Variants in TM9SF4 observed in about 807,000 individuals in gnomAD.
TM9SF4 encodes transmembrane 9 superfamily member 4.
TM9SF4 carries 26 observed loss-of-function variants against 90.4 expected under a neutral mutation model. The ratio of observed to expected loss-of-function variants is 0.29; its 90% CI spans 0.21 to 0.40. The LOEUF is 0.40. Among genes scored for constraint, TM9SF4 ranks in the 10% least tolerant of loss-of-function variants. The probability of loss-of-function intolerance (pLI) is 1.00; values close to 1 mark genes in which losing one functional copy is unlikely to be tolerated. For synonymous variants in TM9SF4, 293 were observed against 315.4 expected (o/e 0.93, Z 0.75); for missense variants, 549 against 834.8 (o/e 0.66, Z 4.22).
chr20:32,165,207 C>G (rs2047082486), intron 17 of TM9SF4, 88 bp from the exon 18 acceptor site: 1 of 1,567,330 alleles, frequency 6.4e-7, no homozygotes, highest in African/African-American at 1.3e-5. Flanking sequence ...CTCAGTTTCC[C>G]CATGATATCA....
chr20:32,158,023 C>T (rs540730935), intron 14 of TM9SF4, 54 bp downstream of exon 14: 1 of 1,598,566 alleles, frequency 6.3e-7, no homozygotes, highest in South Asian at 1.1e-5. Context: ...GGTACGCCCC[C>T]CTCCGCCACC....
At chr20:32,116,869 T>C (rs1180706881) in intron 1 of TM9SF4, among the ~76,000 whole-genome samples, 1 of 36,080 alleles carries the variant, frequency 2.8e-5, no homozygotes, top group Non-Finnish European at 4.4e-5. Context: ...TTTCTTTTTT[T>C]TTTTTTTTTT....
intron 1 of TM9SF4, among the ~76,000 whole-genome samples, chr20:32,121,509 AGGGTTGGGG>A (rs1238191715): frequency 6.6e-6 from 1 of 151,878 alleles, no homozygotes; most frequent in African/African-American, 2.4e-5. Flanking sequence ...CAGAGAGCAC[AGGGTTGGGG>A]GTAAGGTCAC....
intron 1 of TM9SF4, among the ~76,000 whole-genome samples, chr20:32,122,231 C>T (rs1403942701): frequency 8.5e-5 from 7 of 82,362 alleles, no homozygotes; most frequent in Admixed American, 3.7e-4. Context: ...CCCTCCCGGA[C>T]GGGGCGGCTG....
chr20:32,121,898 C>T (rs2046316292), intron 1 of TM9SF4, among the ~76,000 whole-genome samples: 1 of 147,020 alleles, frequency 6.8e-6, no homozygotes. Context: ...CCCCACCTCC[C>T]TCCCGGACGG....
At chr20:32,145,454 A>T (rs1302773236) in intron 8 of TM9SF4, 31 bp downstream of exon 8, 2 of 1,580,990 alleles carry the variant, frequency 1.3e-6, no homozygotes, top group Non-Finnish European at 1.7e-6. Flanking sequence ...GGGAAAGGGG[A>T]TGGGGGTTGG....
intron 9 of TM9SF4, among the ~76,000 whole-genome samples, chr20:32,148,693 C>T (rs1325245381): frequency 3.3e-5 from 4 of 121,178 alleles, no homozygotes; most frequent in Admixed American, 1.0e-4. Context: ...TTTTAAGAGA[C>T]GGAGTCTTGC....
chr20:32,110,109 T>A, intron 1 of TM9SF4: 1 of 1,124,480 alleles, frequency 8.9e-7, no homozygotes, highest in Non-Finnish European at 1.1e-6. Flanking sequence ...GTTATTCTCA[T>A]CCTTGCTCCT....
intron 3 of TM9SF4, chr20:32,137,145 C>G (rs1178594285): frequency 4.6e-6 from 2 of 431,426 alleles, no homozygotes; most frequent in African/African-American, 2.0e-5. Context: ...GGGCTGGCCT[C>G]TACCAACTGT....
intron 1 of TM9SF4, among the ~76,000 whole-genome samples, chr20:32,122,885 C>T (rs996077760): frequency 1.7e-4 from 26 of 151,970 alleles, no homozygotes; most frequent in Admixed American, 8.5e-4. Context: ...CGCCATTGAG[C>T]ACTGAGTGAA....
intron 13 of TM9SF4, among the ~76,000 whole-genome samples, chr20:32,156,251 G>T (rs1039797530): frequency 6.6e-6 from 1 of 152,076 alleles, no homozygotes; most frequent in Non-Finnish European, 1.5e-5. Flanking sequence ...CTTTTTATGT[G>T]ATTCTTGTAA....
Position 32,145,544 on chromosome 20 carries a change from C to G in TM9SF4, c.883+121C>G, listed in dbSNP as rs532171470. On this transcript the variant is annotated intron_variant, in intron 8 of 17. Coordinates refer to ENST00000398022, the MANE Select transcript of TM9SF4 (RefSeq NM_014742.4). ...GGGTCAGGCGTAGGTCAAAAACAGA[C>G]ATCAGGGCTCTGCTAAGCATCAGGT... is the stretch of plus-strand genomic sequence containing the variant. 3.8e-6 allele frequency: 3 copies of G among 779,440 alleles called. No individual in the cohort carries two copies. The African/African-American group carries it at 5.1e-5, about 13-fold the overall frequency. The allele number at this position is 779,440 out of a possible 1,614,324, so 48.3% of individuals were successfully genotyped here.
intron 13 of TM9SF4, 62 bp downstream of exon 13, chr20:32,155,248 C>G: frequency 7.2e-7 from 1 of 1,394,988 alleles, no homozygotes; most frequent in Non-Finnish European, 1.0e-6. Flanking sequence ...TGCACTCAGC[C>G]CTACTCCCAA....
rs2047014568 is a variant in TM9SF4 at position 32,161,267 on chromosome 20, C to G, written c.1690-9C>G. ...GGACAACACTGACCTTCCTCTGTTT[C>G]CTCCTCAGGATTACCGCTGGTGGTG... On this transcript the variant is annotated splice_polypyrimidine_tract_variant and intron_variant, in intron 16 of 17. Coordinates refer to ENST00000398022, the MANE Select transcript of TM9SF4 (RefSeq NM_014742.4). The G allele has an allele frequency of 6.2e-7, 1 of 1,613,124 alleles. No homozygotes were observed. The highest frequency in any genetic ancestry group is 1.1e-5 in the South Asian group (1 of 91,042).
At chr20:32,138,733 T>A (rs2046629027) in intron 3 of TM9SF4, among the ~76,000 whole-genome samples, 1 of 152,240 alleles carries the variant, frequency 6.6e-6, no homozygotes, top group African/African-American at 2.4e-5. Context: ...TAAACTTAAT[T>A]TTTAAATATC....
At chr20:32,145,235 C>T (rs374554961) in intron 7 of TM9SF4, 26 bp downstream of exon 7, 17 of 1,613,140 alleles carry the variant, frequency 1.1e-5, no homozygotes, top group Non-Finnish European at 1.4e-5. Context: ...AGCTCATGGG[C>T]AGGGGAGGAG....
intron 5 of TM9SF4, among the ~76,000 whole-genome samples, chr20:32,142,558 C>T (rs1393837361): frequency 1.3e-5 from 2 of 152,100 alleles, no homozygotes; most frequent in Non-Finnish European, 1.5e-5. Context: ...TAATTGCAGG[C>T]GAGGTCAGAG....
intron 1 of TM9SF4, among the ~76,000 whole-genome samples, chr20:32,112,052 T>A (rs2046150524): frequency 6.6e-6 from 1 of 152,182 alleles, no homozygotes; most frequent in African/African-American, 2.4e-5. Context: ...GGAGCCAGCT[T>A]GTTCTCAGTT....
At chr20:32,117,147 C>G (rs569402279) in intron 1 of TM9SF4, among the ~76,000 whole-genome samples, 1 of 150,010 alleles carries the variant, frequency 6.7e-6, no homozygotes, top group South Asian at 2.1e-4. Context: ...TCACTTGAAC[C>G]CAGGAGGCGG....
Sources: gnomAD v4.1 joint callset for allele counts (sites outside exome capture counted in the v4.1 genomes callset) on GRCh38, gnomAD v4.1.1 for gene constraint, MANE v1.5 for transcripts, NCBI Gene and HGNC (gene_info 2026-07-23, HGNC 2026-07-21) for gene names.